The following NRXN1 variants were observed in gnomAD, a reference collection of about 807,000 sequenced individuals.
NRXN1 encodes neurexin-1.
Under a neutral mutation model 150.9 loss-of-function variants are expected in NRXN1, and 39 were observed. That is an observed-to-expected ratio of 0.26 (90% CI 0.20 to 0.34). The LOEUF is 0.34. Among genes scored for constraint, NRXN1 ranks in the 10% least tolerant of loss-of-function variants. The pLI is 1.00. For synonymous variants in NRXN1, 924 were observed against 757.0 expected (o/e 1.22, Z -3.62); for missense variants, 1,815 against 1,949.9 (o/e 0.93, Z 1.30).
chr2:50,107,257 TAAAAAA>T (rs3046682), intron 18 of NRXN1, among the ~76,000 whole-genome samples: 8 of 143,862 alleles, frequency 5.6e-5, no homozygotes, highest in Admixed American at 7.0e-5. Context: ...TCTGATACAT[TAAAAAA>T]AAAAAAAAAA....
chr2:50,622,268 T>C (rs536715320), intron 6 of NRXN1, among the ~76,000 whole-genome samples: 48 of 152,254 alleles, frequency 3.2e-4, no homozygotes, highest in South Asian at 1.0e-3. Flanking sequence ...CTCCTTTTTC[T>C]TTCTCTAGCT....
chr2:50,207,031 G>T (rs1189256770), intron 18 of NRXN1, among the ~76,000 whole-genome samples: 2 of 151,776 alleles, frequency 1.3e-5, no homozygotes, highest in Non-Finnish European at 2.9e-5. Flanking sequence ...TGCTCTTCTA[G>T]CACTCTTCTT....
At chr2:50,589,523 A>C in intron 8 of NRXN1, 1 of 60,274 alleles carries the variant, frequency 1.7e-5, no homozygotes, top group Non-Finnish European at 4.5e-5. Flanking sequence ...TGCCTGGCTA[A>C]TTTTTGTATT....
intron 6 of NRXN1, among the ~76,000 whole-genome samples, chr2:50,622,666 A>G (rs1573835835): frequency 6.6e-6 from 1 of 152,210 alleles, no homozygotes; most frequent in East Asian, 1.9e-4. Flanking sequence ...GCATCTTGAA[A>G]AAGTTTTTTT....
intron 2 of NRXN1, among the ~76,000 whole-genome samples, chr2:50,957,705 A>G (rs1692491256): frequency 1.3e-5 from 2 of 152,214 alleles, no homozygotes; most frequent in Admixed American, 1.3e-4. Context: ...TTAATCCAGA[A>G]GAGAAAAAGT....
At chr2:50,559,215 A>G (rs978931712) in intron 8 of NRXN1, among the ~76,000 whole-genome samples, 1 of 152,216 alleles carries the variant, frequency 6.6e-6, no homozygotes, top group Non-Finnish European at 1.5e-5. Context: ...GTGTCAAAAT[A>G]CAACCAGGAA....
intron 18 of NRXN1, among the ~76,000 whole-genome samples, chr2:50,197,265 C>T (rs551424632): frequency 6.6e-6 from 1 of 152,116 alleles, no homozygotes; most frequent in African/African-American, 2.4e-5. Context: ...GGAAAGAGGT[C>T]AAAAGCACAG....
chr2:50,670,494 T>C (rs1483872121), intron 5 of NRXN1, among the ~76,000 whole-genome samples: 1 of 151,932 alleles, frequency 6.6e-6, no homozygotes, highest in Non-Finnish European at 1.5e-5. Flanking sequence ...ACCATGTATG[T>C]TCTTCACCCA....
chr2:49,932,103 C>T (rs1370489247), intron 22 of NRXN1, among the ~76,000 whole-genome samples: 1 of 152,084 alleles, frequency 6.6e-6, no homozygotes, highest in African/African-American at 2.4e-5. Context: ...TGCAGCATTC[C>T]TTCCAATTCT....
At chr2:50,490,251 T>C (rs1333010990) in intron 15 of NRXN1, among the ~76,000 whole-genome samples, 2 of 152,234 alleles carry the variant, frequency 1.3e-5, no homozygotes, top group African/African-American at 4.8e-5. Context: ...ATGAGCATTG[T>C]GAACTCTCCT....
intron 21 of NRXN1, among the ~76,000 whole-genome samples, chr2:50,025,677 T>A (rs1425403629): frequency 6.6e-6 from 1 of 152,226 alleles, no homozygotes; most frequent in Admixed American, 6.5e-5. Context: ...ATTAGTTTCT[T>A]AAGCATCTAT....
chr2:49,927,547 A>C (rs1419646583), intron 22 of NRXN1, among the ~76,000 whole-genome samples: 1 of 152,222 alleles, frequency 6.6e-6, no homozygotes, highest in African/African-American at 2.4e-5. Flanking sequence ...TTTGAATGTT[A>C]ATAAATTTTT....
At chr2:50,337,840 A>G (rs2077292494) in intron 17 of NRXN1, among the ~76,000 whole-genome samples, 1 of 152,256 alleles carries the variant, frequency 6.6e-6, no homozygotes, top group South Asian at 2.1e-4. Context: ...TTTAAAAATA[A>G]GATTACTGAG....
intron 17 of NRXN1, among the ~76,000 whole-genome samples, chr2:50,442,275 G>GT (rs2086020631): frequency 1.3e-5 from 2 of 152,064 alleles, no homozygotes; most frequent in African/African-American, 4.8e-5. Context: ...GGTCCTACAT[G>GT]TTGCCTATCA....
intron 2 of NRXN1, among the ~76,000 whole-genome samples, chr2:50,988,883 G>A (rs1397447565): frequency 6.6e-6 from 1 of 151,840 alleles, no homozygotes; most frequent in East Asian, 1.9e-4. Context: ...TACTCTACTA[G>A]GTGGTTGGGG....
At chr2:50,762,867 C>T (rs1025713940) in intron 5 of NRXN1, among the ~76,000 whole-genome samples, 2 of 151,864 alleles carry the variant, frequency 1.3e-5, no homozygotes, top group African/African-American at 4.8e-5. Flanking sequence ...TTTCCTAGCC[C>T]AGTTTTCTAA....
intron 8 of NRXN1, among the ~76,000 whole-genome samples, chr2:50,618,563 C>T (rs1679419462): frequency 6.6e-6 from 1 of 151,966 alleles, no homozygotes; most frequent in Non-Finnish European, 1.5e-5. Context: ...AGCACAAGGA[C>T]ACTGAAATCA....
chr2:50,524,217 G>T (rs545692600), intron 12 of NRXN1, among the ~76,000 whole-genome samples: 1 of 152,082 alleles, frequency 6.6e-6, no homozygotes, highest in Non-Finnish European at 1.5e-5. Context: ...GGTGGCTCAC[G>T]CCTGTAATCC....
chr2:50,330,161 C>T (rs1284090875), intron 17 of NRXN1, among the ~76,000 whole-genome samples: 1 of 151,772 alleles, frequency 6.6e-6, no homozygotes, highest in African/African-American at 2.4e-5. Context: ...ACAGTCTGCA[C>T]AGTAGGCTTC....
Sources: allele counts gnomAD v4.1 joint callset (sites outside exome capture counted in the v4.1 genomes callset), GRCh38; gene constraint gnomAD v4.1.1; transcripts MANE v1.5; gene names NCBI Gene and HGNC (gene_info 2026-07-23, HGNC 2026-07-21).